Variants in LMBRD1 observed in about 807,000 individuals in gnomAD.
LMBRD1 encodes the protein LMBR1 domain containing 1.
LMBRD1 carries 64 observed loss-of-function variants against 74.8 expected under a neutral mutation model. That is an observed-to-expected ratio of 0.86 (90% CI 0.70 to 1.05). The LOEUF is 1.05. Ranked by LOEUF, LMBRD1 falls within the 50% of genes least tolerant of loss-of-function variation. The pLI, the probability that LMBRD1 is intolerant of heterozygous loss-of-function variation, is 0.00. For missense variants in LMBRD1, 652 were observed against 645.9 expected (o/e 1.01, Z -0.10); for synonymous variants, 204 against 216.3 (o/e 0.94, Z 0.50).
chr6:69,732,139 T>C (rs956005717), intron 7 of LMBRD1, among the ~76,000 whole-genome samples: 2 of 152,170 alleles, frequency 1.3e-5, no homozygotes, highest in African/African-American at 4.8e-5. Flanking sequence ...CTAAATATTA[T>C]TGAGAACCAC....
chr6:69,780,019 A>G (rs923434748), intron 3 of LMBRD1, among the ~76,000 whole-genome samples: 6 of 151,428 alleles, frequency 4.0e-5, no homozygotes, highest in African/African-American at 1.2e-4. Flanking sequence ...CCCTTGCCCC[A>G]CATGTTCCTG....
chr6:69,714,607 A>C (rs1420377884), intron 8 of LMBRD1, among the ~76,000 whole-genome samples: 1 of 152,170 alleles, frequency 6.6e-6, no homozygotes, highest in African/African-American at 2.4e-5. Flanking sequence ...TAAAGTGTAG[A>C]TATATTAGGT....
chr6:69,779,802 G>C (rs1024830834), intron 3 of LMBRD1, among the ~76,000 whole-genome samples: 2 of 152,156 alleles, frequency 1.3e-5, no homozygotes, highest in African/African-American at 4.8e-5. Flanking sequence ...CTCATATGTG[G>C]TTTCAAAATT....
At position 69,796,864 on chromosome 6, in the gene LMBRD1, C is replaced by G. The variant is rs149650795; in HGVS notation, c.18G>C (p.Ala6=). 6.6e-4 allele frequency: 1,058 copies of G among 1,614,098 alleles called. 6 individuals are homozygous for G. The African/African-American group carries it at 0.013, about 19-fold the overall frequency. ...AGCCGATCACCAGCTCCGCCGAGGCCGCGCCAGAAGTCGCCATCTTCGCTT... is the reference window on the plus strand; with the variant it reads ...AGCCGATCACCAGCTCCGCCGAGGCGGCGCCAGAAGTCGCCATCTTCGCTT... MATSG[A]ASAELVIGWC... The change falls in exon 1 of 16, where the codon GCG becomes GCC. Residue 6 remains alanine (A), a synonymous_variant. Transcript: ENST00000649934.
chr6:69,713,484 C>T (rs1766426056), intron 9 of LMBRD1, among the ~76,000 whole-genome samples, 161 bp downstream of exon 9: 1 of 151,990 alleles, frequency 6.6e-6, no homozygotes, highest in South Asian at 2.1e-4. Flanking sequence ...TGCACCTTAC[C>T]CAAACTACCA....
rs753105951 is a variant in LMBRD1, at chr6:69,676,557, A to G, written c.1418-16T>C. On this transcript the variant is annotated splice_polypyrimidine_tract_variant and intron_variant, in intron 14 of 15. Coordinates refer to ENST00000649934, the MANE Select transcript of LMBRD1 (RefSeq NM_018368.4). ...GTACACTGATCTGTGAAAGCAAATAAAAGACTATGGTGAGATAGGTTCTTT... is the reference window on the plus strand; with the variant it reads ...GTACACTGATCTGTGAAAGCAAATAGAAGACTATGGTGAGATAGGTTCTTT... The G allele has an allele frequency of 5.1e-6, 8 of 1,571,918 alleles. No homozygotes were observed. The highest frequency in any genetic ancestry group is 3.3e-4 in the Middle Eastern group (2 of 5,998).
At chr6:69,705,625 T>C in intron 9 of LMBRD1, 2 of 923,668 alleles carry the variant, frequency 2.2e-6, no homozygotes, top group South Asian at 2.6e-5. Context: ...GTTTCCTTAT[T>C]ATCAAAATCA....
Position 69,738,024 on chromosome 6 carries a change from A to T in LMBRD1, c.563-9T>A. The T allele has an allele frequency of 6.3e-7, 1 of 1,598,308 alleles. No homozygotes were observed. Among genetic ancestry groups the T allele is most frequent in the Non-Finnish European group, 8.6e-7 (1 of 1,168,414 alleles). On this transcript the variant is annotated splice_polypyrimidine_tract_variant and intron_variant, in intron 6 of 15. Coordinates refer to ENST00000649934, the MANE Select transcript of LMBRD1 (RefSeq NM_018368.4). ...CAATGCAGCTAAACCATCTGTGAAG[A>T]AAGAAAAACTGTTAAAAATGTACAT... is the stretch of plus-strand genomic sequence containing the variant.
chr6:69,697,644 G>C lies in LMBRD1; in HGVS notation c.1339-3C>G, dbSNP rs1451160612. The C allele has an allele frequency of 6.5e-7, 1 of 1,540,266 alleles. No homozygotes were observed. The highest frequency in any genetic ancestry group is 2.3e-5 in the East Asian group (1 of 44,300). On this transcript the variant is annotated splice_polypyrimidine_tract_variant and splice_region_variant and intron_variant, in intron 13 of 15. Transcript: ENST00000649934. ...TGATTATCAGAAGTTATATTAGTCT[G>C]AAAGATAAAAATACAGTTAAAATAT...
intron 3 of LMBRD1, among the ~76,000 whole-genome samples, chr6:69,756,709 A>G (rs914942503): frequency 6.6e-6 from 1 of 152,240 alleles, no homozygotes; most frequent in East Asian, 1.9e-4. Flanking sequence ...AGTCCAGGGC[A>G]CTTATTGGAG....
At chr6:69,795,279 C>T (rs755736401) in intron 1 of LMBRD1, among the ~76,000 whole-genome samples, 7 of 152,184 alleles carry the variant, frequency 4.6e-5, no homozygotes, top group Non-Finnish European at 1.0e-4. Flanking sequence ...ACTTAAATGG[C>T]CTCTCTTCTT....
chr6:69,689,609 T>C (rs562314871), intron 14 of LMBRD1, among the ~76,000 whole-genome samples: 1 of 152,250 alleles, frequency 6.6e-6, no homozygotes, highest in South Asian at 2.1e-4. Context: ...TGTTTCACCA[T>C]CAAGAGTGAG....
At chr6:69,787,669 C>T (rs551470136) in intron 2 of LMBRD1, among the ~76,000 whole-genome samples, 31 of 151,950 alleles carry the variant, frequency 2.0e-4, no homozygotes, top group Non-Finnish European at 4.3e-4. Flanking sequence ...TCGCTTGAAC[C>T]CAGGAGGCGG....
rs1185390785 is a variant in LMBRD1, at chr6:69,796,827, C to A, written c.55G>T (p.Gly19Cys). The A allele has an allele frequency of 6.2e-7, 1 of 1,613,726 alleles. No homozygotes were observed. Among genetic ancestry groups the A allele is most frequent in the South Asian group, 1.1e-5 (1 of 91,022 alleles). ...AELVIGWCIF[G>C]LLLLAILAFC... ...GCCTCCCCTACCAGTAGTAAGAGGC[C>A]GAATATGCACCAGCCGATCACCAGC... Residue 19 changes from glycine (G) to cysteine (C), a missense_variant, in exon 1 of 16, where the codon GGC becomes TGC. Gly to Cys is a radical substitution (Grantham distance 159). Around this residue, in one of 3 missense-constraint regions of LMBRD1, gnomAD observed 598 missense variants for 581.8 expected, o/e 1.03. Coordinates refer to ENST00000649934, the MANE Select transcript of LMBRD1 (RefSeq NM_018368.4).
At chr6:69,691,801 G>A (rs573913494) in intron 14 of LMBRD1, among the ~76,000 whole-genome samples, 215 of 151,300 alleles carry the variant, frequency 1.4e-3, no homozygotes, top group Non-Finnish European at 2.0e-3. Context: ...GCATGAACCC[G>A]GGAGGCGAAG....
At chr6:69,730,099 G>A (rs143113307) in intron 7 of LMBRD1, among the ~76,000 whole-genome samples, 2 of 151,740 alleles carry the variant, frequency 1.3e-5, no homozygotes, top group African/African-American at 2.4e-5. Context: ...TCTATTAATA[G>A]GTTGGCCCTA....
At chr6:69,764,100 T>C (rs987954942) in intron 3 of LMBRD1, among the ~76,000 whole-genome samples, 3 of 152,156 alleles carry the variant, frequency 2.0e-5, no homozygotes, top group African/African-American at 7.2e-5. Flanking sequence ...GTATTTTGCA[T>C]AGGAAATGGA....
chr6:69,710,987 C>T (rs1481267724), intron 9 of LMBRD1, among the ~76,000 whole-genome samples: 1 of 152,080 alleles, frequency 6.6e-6, no homozygotes, highest in Non-Finnish European at 1.5e-5. Context: ...CACATCTACA[C>T]AAAGGTTTGT....
chr6:69,740,688 A>G (rs1767082660), intron 6 of LMBRD1, among the ~76,000 whole-genome samples: 1 of 152,208 alleles, frequency 6.6e-6, no homozygotes, highest in Non-Finnish European at 1.5e-5. Flanking sequence ...CTGGGTAAAA[A>G]GAAAGAAGTG....
Sources: allele counts gnomAD v4.1 joint callset (sites outside exome capture counted in the v4.1 genomes callset), GRCh38; gene constraint gnomAD v4.1.1; regional missense constraint gnomAD v4.1.1; transcripts MANE v1.5; gene names NCBI Gene and HGNC (gene_info 2026-07-23, HGNC 2026-07-21).